TBC1D16: variants seen among roughly 807,000 people sequenced by gnomAD.
TBC1D16 encodes the protein CTD-2529O21.1.
Under a neutral mutation model 74.7 loss-of-function variants are expected in TBC1D16, and 58 were observed. The observed-to-expected ratio is 0.78, with a 90% CI of 0.63 to 0.97. The LOEUF (loss-of-function observed/expected upper bound fraction) is 0.97, where lower values mean the gene tolerates loss of function less well. TBC1D16 is among the 50% of genes least tolerant of loss of function. The pLI is 0.00. For missense variants in TBC1D16, 1,014 were observed against 1,079.5 expected, an observed-to-expected ratio of 0.94 and a Z score of 0.85; for synonymous variants, 493 against 474.7, an observed-to-expected ratio of 1.04 and a Z score of -0.50.
At chr17:79,947,304 G>A (rs2032626025) in intron 9 of TBC1D16, among the ~76,000 whole-genome samples, 1 of 152,164 alleles carries the variant, frequency 6.6e-6, no homozygotes, top group Non-Finnish European at 1.5e-5. Flanking sequence ...CACACCTGAG[G>A]ACCCATTTTC....
Position 79,940,927 on chromosome 17 carries a change from G to C in TBC1D16, c.2236C>G (p.Pro746Ala), listed in dbSNP as rs762166679. Reference sequence around the variant, plus strand: ...TTCTTGCCTTCCCTCAGGGACTTGGGGGAAGGCATCTCCACCGTGCCCCCG... The same window carrying C: ...TTCTTGCCTTCCCTCAGGGACTTGGCGGAAGGCATCTCCACCGTGCCCCCG... ...PYGGTVEMPS[P>A]KSLREGKKGP... The change falls in exon 12 of 12, where the codon CCC (proline) becomes GCC (alanine). Residue 746 changes from proline to alanine, a missense_variant. By Grantham distance (27) the Pro-to-Ala change is conservative. Transcript: ENST00000310924. The surrounding 1 kb of genome is among the most constrained non-coding windows in gnomAD (Gnocchi z 5.4). The C allele has an allele frequency of 1.3e-6, 2 of 1,594,320 alleles. No homozygotes were observed. The highest frequency in any genetic ancestry group is 3.4e-5 in the Admixed American group (2 of 58,924).
chr17:79,952,540 G>T, intron 4 of TBC1D16, 117 bp downstream of exon 4: 2 of 1,292,958 alleles, frequency 1.5e-6, no homozygotes, highest in Non-Finnish European at 2.1e-6. Flanking sequence ...CGCTTGGGAA[G>T]ACTCCATCCA....
At position 79,944,417 on chromosome 17, in the gene TBC1D16, T is replaced by C. The variant is rs1325825251; in HGVS notation, c.1908+491A>G. ...TTTGCTGAGAAGATGCTGGTGACGG[T>C]GGACGGAGAGTGGAAGTCGGTATCA... On this transcript the variant is annotated intron_variant, in intron 10 of 11. Transcript: ENST00000310924. The surrounding 1 kb of genome is among the most constrained non-coding windows in gnomAD (Gnocchi z 7.7). Among the ~76,000 whole-genome samples, 1 of 152,158 alleles carries C rather than the reference T, an allele frequency of 6.6e-6. No homozygotes were observed. Among genetic ancestry groups the C allele is most frequent in the Non-Finnish European group, 1.5e-5 (1 of 68,022 alleles).
rs1486715949 is a variant in TBC1D16, at chr17:80,008,862, A to G, written c.779+1298T>C. Among the ~76,000 whole-genome samples, 2 of 152,194 alleles carry G rather than the reference A, an allele frequency of 1.3e-5. No individual in the cohort carries two copies. Among genetic ancestry groups the G allele is most frequent in the Non-Finnish European group, 2.9e-5 (2 of 68,020 alleles). ...ACCCGTCCCACAGTCACCCCTGCTG[A>G]GGCCAGCAAAGCCTGTGTCCTTACT... On this transcript the variant is annotated intron_variant, in intron 3 of 11. Transcript: ENST00000310924. The surrounding 1 kb of genome is among the most constrained non-coding windows in gnomAD (Gnocchi z 4.5).
Position 80,011,257 on chromosome 17 carries a change from G to A in TBC1D16, c.182-500C>T, listed in dbSNP as rs141118911. The stretch of plus-strand genomic sequence containing the variant: ...AAATAAGGTTTCACTATGTTGCCCA[G>A]GCTAGTCTCAAACGCCTGAGCTCAA... On this transcript the variant is annotated intron_variant, in intron 2 of 11. Transcript: ENST00000310924. Among the ~76,000 whole-genome samples the A allele has an allele frequency of 9.3e-3, 1,378 of 148,580 alleles. 20 individuals are homozygous for A. Among genetic ancestry groups the A allele is most frequent in the East Asian group, 0.058 (289 of 4,968 alleles).
rs1422855465 is a variant in TBC1D16 at position 79,993,947 on chromosome 17, A to G, written c.779+16213T>C. ...CCGGAGCAGCTGTCAATGGTTTCTG[A>G]GCTGCGGTGGAAAAGGCTGACAAGT... is the stretch of plus-strand genomic sequence containing the variant. On this transcript the variant is annotated intron_variant, in intron 3 of 11. Transcript: ENST00000310924. This position sits in a 1 kb window ranked among gnomAD's most constrained non-coding sequence, Gnocchi z 5.1. Among the ~76,000 whole-genome samples, 1 of 151,988 alleles carries G rather than the reference A, an allele frequency of 6.6e-6. No homozygotes were observed. The highest frequency in any genetic ancestry group is 6.6e-5 in the Admixed American group (1 of 15,266).
At chr17:79,955,354 C>G (rs2033288739) in intron 3 of TBC1D16, among the ~76,000 whole-genome samples, 1 of 152,148 alleles carries the variant, frequency 6.6e-6, no homozygotes. Context: ...CATCGTGTCT[C>G]TTCATCTTCA....
rs2035210749 is a variant in TBC1D16, at chr17:79,994,914, C to T, written c.779+15246G>A. 6.6e-6 allele frequency among the ~76,000 whole-genome samples: 1 copy of T among 152,224 alleles called. No individual in the cohort carries two copies. The highest frequency in any genetic ancestry group is 6.5e-5 in the Admixed American group (1 of 15,284). On this transcript the variant is annotated intron_variant, in intron 3 of 11. Coordinates refer to ENST00000310924, the MANE Select transcript of TBC1D16 (RefSeq NM_019020.4). The surrounding 1 kb of genome is among the most constrained non-coding windows in gnomAD (Gnocchi z 4.6). ...CATCGGCGGCCGTGTATACTGATCCCACATTGGAATGATACTATTTTGAAC... is the reference window on the plus strand; with the variant it reads ...CATCGGCGGCCGTGTATACTGATCCTACATTGGAATGATACTATTTTGAAC...
At chr17:79,998,330 G>T (rs147229702) in intron 3 of TBC1D16, among the ~76,000 whole-genome samples, 4,199 of 149,502 alleles carry the variant, frequency 0.028, 193 homozygotes, top group African/African-American at 0.095. Context: ...TCAGACTGGT[G>T]TTTTTTGTTT....
rs1284781767 is a variant in TBC1D16, at chr17:79,954,371, G to A, written c.780-1553C>T. 3.3e-5 allele frequency among the ~76,000 whole-genome samples: 5 copies of A among 152,164 alleles called. No individual in the cohort carries two copies. Among genetic ancestry groups the A allele is most frequent in the East Asian group, 3.9e-4 (2 of 5,192 alleles). ...TGGCCTTTCTAGAGCCCTCTACTGC[G>A]TCAGGCATAGCCCTGGGCCTGGTGA... On this transcript the variant is annotated intron_variant, in intron 3 of 11. Transcript: ENST00000310924. This position sits in a 1 kb window ranked among gnomAD's most constrained non-coding sequence, Gnocchi z 5.5.
rs2035805986 is a variant in TBC1D16, at chr17:80,009,740, T to A, written c.779+420A>T. The stretch of plus-strand genomic sequence containing the variant: ...CACATCTGGGCTTGGGCCAGCCCTG[T>A]GCGTGAGCCTAATGATGCCACCCGG... On this transcript the variant is annotated intron_variant, in intron 3 of 11. Coordinates refer to ENST00000310924, the MANE Select transcript of TBC1D16 (RefSeq NM_019020.4). This position sits in a 1 kb window ranked among gnomAD's most constrained non-coding sequence, Gnocchi z 5.4. Among the ~76,000 whole-genome samples the A allele has an allele frequency of 6.6e-6, 1 of 152,196 alleles. No individual in the cohort carries two copies. The highest frequency in any genetic ancestry group is 1.5e-5 in the Non-Finnish European group (1 of 68,020).
At position 79,937,087 on chromosome 17, in the gene TBC1D16, G is replaced by T. The variant is rs966940389; in HGVS notation, c.*3772C>A. 1.3e-5 allele frequency: 2 copies of T among 152,130 alleles called. No individual in the cohort carries two copies. The highest frequency in any genetic ancestry group is 4.8e-5 in the African/African-American group (2 of 41,404). 9.4% of individuals were successfully genotyped at this position (152,130 alleles called of 1,614,324 possible). ...GCACCCCCAGCAACCCCCTCCAAGGGTGGAGCCTTGGCACCCCCAGCCCCC... is the reference window on the plus strand; with the variant it reads ...GCACCCCCAGCAACCCCCTCCAAGGTTGGAGCCTTGGCACCCCCAGCCCCC... On this transcript the variant is annotated 3_prime_UTR_variant, in exon 12 of 12. Transcript: ENST00000310924.
At position 79,950,908 on chromosome 17, in the gene TBC1D16, A is replaced by G. The variant is rs2033003988; in HGVS notation, c.1090-330T>C. The G allele has an allele frequency of 1.4e-6, 2 of 1,422,150 alleles. No homozygotes were observed. The highest frequency in any genetic ancestry group is 1.4e-5 in the African/African-American group (1 of 70,620). The allele number at this position is 1,422,150 out of a possible 1,614,324, so 88.1% of individuals were successfully genotyped here. ...GCCGGGAGGGCCTGCAATGAATTACATGTGATTGGCCACATACAAAGGGAT... is the reference window on the plus strand; with the variant it reads ...GCCGGGAGGGCCTGCAATGAATTACGTGTGATTGGCCACATACAAAGGGAT... On this transcript the variant is annotated intron_variant, in intron 5 of 11. Transcript: ENST00000310924. This position sits in a 1 kb window ranked among gnomAD's most constrained non-coding sequence, Gnocchi z 4.6.
In TBC1D16 at chr17:80,001,182, G is replaced by A. The variant is rs577613617; in HGVS notation, c.779+8978C>T. ...CTCTGACCAGCCAGCTGCCCTTCCCGTAACAGCTTCCCTCAGACCCCTGGC... is the reference window on the plus strand; with the variant it reads ...CTCTGACCAGCCAGCTGCCCTTCCCATAACAGCTTCCCTCAGACCCCTGGC... On this transcript the variant is annotated intron_variant, in intron 3 of 11. Coordinates refer to ENST00000310924, the MANE Select transcript of TBC1D16 (RefSeq NM_019020.4). This position sits in a 1 kb window ranked among gnomAD's most constrained non-coding sequence, Gnocchi z 5.8. Among the ~76,000 whole-genome samples the A allele has an allele frequency of 3.9e-5, 6 of 152,294 alleles. No individual in the cohort carries two copies. Among genetic ancestry groups the A allele is most frequent in the South Asian group, 2.1e-4 (1 of 4,830 alleles).
intron 3 of TBC1D16, among the ~76,000 whole-genome samples, chr17:79,984,188 A>AT (rs1278058449): frequency 6.6e-6 from 1 of 152,042 alleles, no homozygotes; most frequent in African/African-American, 2.4e-5. Context: ...CGCCCAGCCA[A>AT]TTTTTCAATA....
At position 80,010,455 on chromosome 17, in the gene TBC1D16, C is replaced by T. The variant is rs147667815; in HGVS notation, c.484G>A (p.Glu162Lys). The change falls in exon 3 of 12, where the codon GAG becomes AAG. Residue 162 changes from glutamate (E) to lysine (K), a missense_variant. By Grantham distance (56) the Glu-to-Lys change is moderately conservative. Coordinates refer to ENST00000310924, the MANE Select transcript of TBC1D16 (RefSeq NM_019020.4). The surrounding 1 kb of genome is among the most constrained non-coding windows in gnomAD (Gnocchi z 8.8). ...MLASPAPEDE[E>K]KLAQGLGVDG... is the part of the protein sequence containing the mutation. The stretch of plus-strand genomic sequence containing the variant: ...ACCCCCAAGCCCTGCGCCAGCTTCT[C>T]CTCATCCTCTGGCGCAGGGCTGGCG... The T allele has an allele frequency of 0.014, 22,780 of 1,609,458 alleles. 199 individuals are homozygous for T. The highest frequency in any genetic ancestry group is 0.018 in the Non-Finnish European group (20,926 of 1,178,150).
chr17:79,992,468 C>T (rs888591174), intron 3 of TBC1D16: 1 of 152,264 alleles, frequency 6.6e-6, no homozygotes, highest in East Asian at 1.9e-4. Flanking sequence ...ACACCCGTCC[C>T]GGCAGCCCGC....
chr17:79,974,936 T>C (rs1661834139), intron 3 of TBC1D16, among the ~76,000 whole-genome samples: 1 of 152,304 alleles, frequency 6.6e-6, no homozygotes, highest in South Asian at 2.1e-4. Context: ...TACCTCCCTG[T>C]CCGATTCCTG....
At chr17:79,982,151 C>CTT (rs796076585) in intron 3 of TBC1D16, among the ~76,000 whole-genome samples, 5 of 137,162 alleles carry the variant, frequency 3.6e-5, no homozygotes, top group Non-Finnish European at 7.9e-5. Context: ...GTTTTTTTTT[C>CTT]TTTTTTTTTT....
Sources: allele counts gnomAD v4.1 joint callset (sites outside exome capture counted in the v4.1 genomes callset), GRCh38; gene constraint gnomAD v4.1.1; non-coding constraint Gnocchi (gnomAD v3.1); transcripts MANE v1.5; gene names NCBI Gene and HGNC (gene_info 2026-07-23, HGNC 2026-07-21).